The following STARD7 variants were observed in gnomAD, a reference collection of about 807,000 sequenced individuals.
STARD7 encodes StAR related lipid transfer domain containing 7, also known as stAR-related lipid transfer protein 7, mitochondrial.
Under a neutral mutation model 45.3 loss-of-function variants are expected in STARD7, and 30 were observed. That is an observed-to-expected ratio of 0.66 (90% CI 0.50 to 0.90). The LOEUF (loss-of-function observed/expected upper bound fraction) is 0.90. STARD7 is among the 40% of genes least tolerant of loss of function. STARD7 has a pLI of 0.00. For missense variants in STARD7, 495 were observed against 491.3 expected, an observed-to-expected ratio of 1.01 and a Z score of -0.07; for synonymous variants, 199 against 183.0, an observed-to-expected ratio of 1.09 and a Z score of -0.70.
At chr2:96,206,800 C>CAAAAAA (rs61417989) in intron 1 of STARD7, among the ~76,000 whole-genome samples, 9 of 49,474 alleles carry the variant, frequency 1.8e-4, no homozygotes, top group Admixed American at 1.0e-3. Flanking sequence ...GACTCCGTCT[C>CAAAAAA]AAAAAAAAAA....
At chr2:96,197,166 A>T (rs1016876960) in intron 1 of STARD7, among the ~76,000 whole-genome samples, 1 of 151,348 alleles carries the variant, frequency 6.6e-6, no homozygotes. Flanking sequence ...AGACTTTGGG[A>T]GGCCGAGGTG....
rs1265371387 is a variant in STARD7, at chr2:96,193,120, T to C, written c.701A>G (p.Tyr234Cys). The stretch of plus-strand genomic sequence containing the variant: ...CATGTTGTTTTCCTGATCCACACTA[T>C]ACCGCCGAACATAAACATAATCCCG... ...YSRDYVYVRR[Y>C]SVDQENNMMV... The change falls in exon 5 of 8, where the codon TAT becomes TGT. Residue 234 changes from tyrosine (Y) to cysteine (C), a missense_variant. This residue lies in a region of STARD7 where 213 missense variants were observed against 271.2 expected (regional missense o/e 0.79). Coordinates refer to ENST00000337288, the MANE Select transcript of STARD7 (RefSeq NM_020151.4). 8 of 1,613,874 alleles carry C rather than the reference T, an allele frequency of 5.0e-6. No homozygotes were observed. The highest frequency in any genetic ancestry group is 5.9e-6 in the Non-Finnish European group (7 of 1,179,774).
At chr2:96,192,226 T>C in intron 6 of STARD7, 143 bp downstream of exon 6, 2 of 666,260 alleles carry the variant, frequency 3.0e-6, no homozygotes, top group East Asian at 2.6e-5. Context: ...TCCCAAAAAA[T>C]GGTTCCCAGA....
intron 1 of STARD7, among the ~76,000 whole-genome samples, chr2:96,202,839 CAT>C (rs1389434740): frequency 6.6e-6 from 1 of 152,174 alleles, no homozygotes; most frequent in Non-Finnish European, 1.5e-5. Flanking sequence ...AAAATAATTA[CAT>C]AGTTAATAAA....
At chr2:96,206,687 G>C in intron 1 of STARD7, among the ~76,000 whole-genome samples, 1 of 151,482 alleles carries the variant, frequency 6.6e-6, no homozygotes, top group African/African-American at 2.4e-5. Context: ...TGTAGTCCCA[G>C]CTACTCGGGA....
chr2:96,203,863 G>A (rs536355584), intron 1 of STARD7, among the ~76,000 whole-genome samples: 208 of 152,142 alleles, frequency 1.4e-3, no homozygotes, highest in Non-Finnish European at 2.5e-3. Flanking sequence ...CTACTTGAGA[G>A]GCTGAGGCAG....
intron 3 of STARD7, among the ~76,000 whole-genome samples, chr2:96,194,650 T>G (rs1479586695): frequency 6.6e-6 from 1 of 152,246 alleles, no homozygotes; most frequent in Non-Finnish European, 1.5e-5. Context: ...ATGATGTATG[T>G]AACTTACTCT....
rs1242881677 is a variant in STARD7 at position 96,185,248 on chromosome 2, G to T, written c.*1482C>A. ...CTCTTCCAACAATGACGCGGAGAAG[G>T]CAAGACATACACTGGGGCAGCTACT... is the stretch of plus-strand genomic sequence containing the variant. On this transcript the variant is annotated 3_prime_UTR_variant, in exon 8 of 8. Coordinates refer to ENST00000337288, the MANE Select transcript of STARD7 (RefSeq NM_020151.4). The T allele has an allele frequency of 6.6e-6, 1 of 152,606 alleles. No individual in the cohort carries two copies. The highest frequency in any genetic ancestry group is 1.5e-5 in the Non-Finnish European group (1 of 68,042). 9.5% of individuals were successfully genotyped at this position (152,606 alleles called of 1,614,324 possible). A position where few individuals can be genotyped will look rare whatever the true frequency, so the allele number is the denominator to read the frequency against.
At position 96,208,764 on chromosome 2, in the gene STARD7, A is replaced by G; in HGVS notation, c.-330T>C. On this transcript the variant is annotated 5_prime_UTR_variant, in exon 1 of 8. Coordinates refer to ENST00000337288, the MANE Select transcript of STARD7 (RefSeq NM_020151.4). Reference sequence around the variant, plus strand: ...GGGCCGGGATGCAGGGCGCGCGGACAGAAACGAGACAGACAGCTCAGGCCC... The same window carrying G: ...GGGCCGGGATGCAGGGCGCGCGGACGGAAACGAGACAGACAGCTCAGGCCC... 1 of 410,672 alleles carries G rather than the reference A, an allele frequency of 2.4e-6. No individual in the cohort carries two copies. The highest frequency in any genetic ancestry group is 4.3e-6 in the Non-Finnish European group (1 of 232,306). 25.4% of individuals were successfully genotyped at this position (410,672 alleles called of 1,614,324 possible).
intron 1 of STARD7, among the ~76,000 whole-genome samples, chr2:96,203,123 CT>C (rs1683332760): frequency 6.6e-6 from 1 of 152,180 alleles, no homozygotes; most frequent in Non-Finnish European, 1.5e-5. Flanking sequence ...CTTCTAAATG[CT>C]AACATGACAA....
At chr2:96,202,379 G>A (rs980435549) in intron 1 of STARD7, among the ~76,000 whole-genome samples, 5 of 152,238 alleles carry the variant, frequency 3.3e-5, no homozygotes, top group African/African-American at 1.2e-4. Flanking sequence ...ACCTAATACC[G>A]TTTTGATTAA....
rs1558735922 is a variant in STARD7 at position 96,197,119 on chromosome 2, A to ACAACTAAACTAAACTAAACTAAACT, written c.291-1571_291-1570insAGTTTAGTTTAGTTTAGTTTAGTTG. Among the ~76,000 whole-genome samples the ACAACTAAACTAAACTAAACTAAACT allele has an allele frequency of 1.4e-5, 2 of 143,976 alleles. 1 individual carries two copies. Among genetic ancestry groups the ACAACTAAACTAAACTAAACTAAACT allele is most frequent in the East Asian group, 5.3e-4 (2 of 3,752 alleles). 94.5% of individuals were successfully genotyped at this position (143,976 alleles called of 152,430 possible). A position where few individuals can be genotyped will look rare whatever the true frequency, so the allele number is the denominator to read the frequency against. ...AATAAAATAAAATAAAATAAAATAA[A>ACAACTAAACTAAACTAAACTAAACT]ATAAAGCCAAGCACAACGGCTCACG... On this transcript the variant is annotated intron_variant, in intron 1 of 7. Transcript: ENST00000337288.
rs1683188789 is a variant in STARD7 at position 96,195,499 on chromosome 2, C to G, written c.341G>C (p.Ser114Thr). The G allele has an allele frequency of 6.2e-7, 1 of 1,613,816 alleles. No individual in the cohort carries two copies. The highest frequency in any genetic ancestry group is 1.3e-5 in the African/African-American group (1 of 75,000). Residue 114 changes from serine (S) to threonine (T), a missense_variant, in exon 2 of 8, where the codon AGC (serine) becomes ACC (threonine). By Grantham distance (58) the Ser-to-Thr change is moderately conservative (BLOSUM62 1). Transcript: ENST00000337288. ...TGGAGGGTGGTGCTGGACTCCAGAG[C>G]TCTGAAACATATTTGACATTTCTTC... The part of the protein sequence containing the change: ...RLEEMSNMFQ[S>T]SGVQHHPPEP...
intron 1 of STARD7, among the ~76,000 whole-genome samples, chr2:96,202,949 C>G (rs1683329583): frequency 6.6e-6 from 1 of 152,126 alleles, no homozygotes; most frequent in Admixed American, 6.5e-5. Context: ...ATCAAGCTCT[C>G]CTATATAATT....
At chr2:96,188,616 G>C (rs1227954844) in intron 6 of STARD7, among the ~76,000 whole-genome samples, 2 of 151,630 alleles carry the variant, frequency 1.3e-5, no homozygotes, top group Non-Finnish European at 2.9e-5. Context: ...GGGTGTGGTG[G>C]CTCACGTCTG....
In STARD7 at chr2:96,195,427, T is replaced by C. The variant is rs1573942393; in HGVS notation, c.413A>G (p.Glu138Gly). Residue 138 changes from glutamate to glycine, a missense_variant, in exon 2 of 8, where the codon GAG becomes GGG. Around this residue, in one of 2 missense-constraint regions of STARD7, gnomAD observed 282 missense variants for 220.1 expected, o/e 1.28. Transcript: ENST00000337288. ...ATCCATCACCATTTCCCAACGTTGC[T>C]CTTTGCCCTCTGAATCTTCATTCCC... ...TEGNEDSEGK[E>G]QRWEMVMDKK... 6.2e-7 allele frequency: 1 copy of C among 1,612,728 alleles called. No homozygotes were observed.
rs989710510 is a variant in STARD7, at chr2:96,186,005, C to G, written c.*725G>C. Reference sequence around the variant, plus strand: ...ATCCAATGAATATAGAAGAACTGGCCGATTCACAGGAAACTTGCTTTGGAT... The same window carrying G: ...ATCCAATGAATATAGAAGAACTGGCGGATTCACAGGAAACTTGCTTTGGAT... On this transcript the variant is annotated 3_prime_UTR_variant, in exon 8 of 8. Transcript: ENST00000337288. The G allele has an allele frequency of 1.3e-5, 2 of 151,982 alleles. No homozygotes were observed. The highest frequency in any genetic ancestry group is 4.8e-5 in the African/African-American group (2 of 41,374). The allele number at this position is 151,982 out of a possible 1,614,324, so 9.4% of individuals were successfully genotyped here. A position where few individuals can be genotyped will look rare whatever the true frequency, so the allele number is the denominator to read the frequency against.
chr2:96,197,658 G>A (rs1683244724), intron 1 of STARD7, among the ~76,000 whole-genome samples: 1 of 152,114 alleles, frequency 6.6e-6, no homozygotes, highest in African/African-American at 2.4e-5. Flanking sequence ...ACAAGGTTGT[G>A]CAACCATCAC....
intron 1 of STARD7, among the ~76,000 whole-genome samples, chr2:96,203,060 T>C (rs968560299): frequency 6.6e-6 from 1 of 152,236 alleles, no homozygotes; most frequent in Non-Finnish European, 1.5e-5. Flanking sequence ...CACGAAAATG[T>C]AAATGATCAA....
Sources: gnomAD v4.1 joint callset for allele counts (sites outside exome capture counted in the v4.1 genomes callset) on GRCh38, gnomAD v4.1.1 for gene constraint, gnomAD v4.1.1 regional missense constraint, MANE v1.5 for transcripts, NCBI Gene and HGNC (gene_info 2026-07-23, HGNC 2026-07-21) for gene names.